The following CAMK1D variants were observed in gnomAD, a reference collection of about 807,000 sequenced individuals.
CAMK1D encodes calcium/calmodulin-dependent protein kinase type 1D.
CAMK1D carries 9 observed loss-of-function variants against 47.7 expected under a neutral mutation model. The ratio of observed to expected loss-of-function variants is 0.19; its 90% CI spans 0.11 to 0.33. The LOEUF is 0.33. Among genes scored for constraint, CAMK1D ranks in the 10% least tolerant of loss-of-function variants. The probability of loss-of-function intolerance (pLI) is 1.00; values close to 1 mark genes in which losing one functional copy is unlikely to be tolerated. For synonymous variants in CAMK1D, 184 were observed against 184.9 expected, an observed-to-expected ratio of 0.99 and a Z score of 0.04; for missense variants, 291 against 488.7, an observed-to-expected ratio of 0.60 and a Z score of 3.81.
chr10:12,806,342 G>A (rs1280169219), intron 6 of CAMK1D, among the ~76,000 whole-genome samples: 2 of 152,202 alleles, frequency 1.3e-5, no homozygotes, highest in African/African-American at 4.8e-5. Flanking sequence ...TTTGGTGACA[G>A]CCAGAGGAGT....
At chr10:12,778,063 A>G (rs1367508705) in intron 5 of CAMK1D, among the ~76,000 whole-genome samples, 1 of 152,224 alleles carries the variant, frequency 6.6e-6, no homozygotes, top group African/African-American at 2.4e-5. Flanking sequence ...GTGAATAAAG[A>G]TGAGGAAAAG....
intron 10 of CAMK1D, among the ~76,000 whole-genome samples, chr10:12,826,507 A>ACTCT (rs1833213623): frequency 1.4e-5 from 2 of 147,306 alleles, no homozygotes; most frequent in South Asian, 4.2e-4. Flanking sequence ...AGGCACACTT[A>ACTCT]CTCTCTCCTT....
intron 6 of CAMK1D, among the ~76,000 whole-genome samples, chr10:12,811,647 A>G (rs1462189371): frequency 2.6e-4 from 39 of 152,258 alleles, no homozygotes; most frequent in Non-Finnish European, 1.5e-5. Context: ...ACTGGCACCC[A>G]GAGAATAAAT....
chr10:12,625,085 C>G (rs1315665723), intron 2 of CAMK1D, among the ~76,000 whole-genome samples: 1 of 151,996 alleles, frequency 6.6e-6, no homozygotes, highest in Non-Finnish European at 1.5e-5. Flanking sequence ...GCCTGTAATC[C>G]CAGCACTTTG....
At chr10:12,405,620 C>T (rs960298231) in intron 1 of CAMK1D, among the ~76,000 whole-genome samples, 2 of 152,204 alleles carry the variant, frequency 1.3e-5, no homozygotes, top group African/African-American at 2.4e-5. Context: ...ACCAGTGAAA[C>T]GTCATTAATC....
intron 1 of CAMK1D, among the ~76,000 whole-genome samples, chr10:12,528,829 A>T (rs764990605): frequency 2.0e-5 from 3 of 150,678 alleles, no homozygotes; most frequent in Non-Finnish European, 4.4e-5. Flanking sequence ...GCAGCCTCAA[A>T]CTCCTAGGGT....
intron 5 of CAMK1D, among the ~76,000 whole-genome samples, chr10:12,790,437 T>C (rs1588931311): frequency 6.6e-6 from 1 of 152,220 alleles, no homozygotes; most frequent in African/African-American, 2.4e-5. Context: ...AAATGTTGCC[T>C]TGAGCTGACT....
chr10:12,412,956 C>T (rs1839715902), intron 1 of CAMK1D, among the ~76,000 whole-genome samples: 1 of 152,148 alleles, frequency 6.6e-6, no homozygotes. Context: ...TAAGATTCTG[C>T]CCTCACCCAC....
At chr10:12,426,451 G>A (rs1276252280) in intron 1 of CAMK1D, among the ~76,000 whole-genome samples, 2 of 152,076 alleles carry the variant, frequency 1.3e-5, no homozygotes, top group African/African-American at 4.8e-5. Flanking sequence ...TCTCCATATT[G>A]GTCAGGCTGG....
chr10:12,754,679 G>T (rs983668947), intron 3 of CAMK1D, among the ~76,000 whole-genome samples: 2 of 152,098 alleles, frequency 1.3e-5, no homozygotes, highest in Non-Finnish European at 2.9e-5. Flanking sequence ...GTGTCAGCAG[G>T]GTGTCAGTTG....
chr10:12,503,139 CAT>C (rs1202929882), intron 1 of CAMK1D, among the ~76,000 whole-genome samples: 1 of 152,106 alleles, frequency 6.6e-6, no homozygotes, highest in East Asian at 1.9e-4. Context: ...CATGTGCACA[CAT>C]AGGTGAATAT....
intron 1 of CAMK1D, among the ~76,000 whole-genome samples, chr10:12,433,373 A>G (rs1400545002): frequency 6.6e-6 from 1 of 151,600 alleles, no homozygotes; most frequent in Non-Finnish European, 1.5e-5. Flanking sequence ...CTCCAGGTAC[A>G]GCGTAATTTT....
At chr10:12,653,916 C>A (rs1032164736) in intron 2 of CAMK1D, among the ~76,000 whole-genome samples, 1 of 152,210 alleles carries the variant, frequency 6.6e-6, no homozygotes, top group African/African-American at 2.4e-5. Flanking sequence ...CTATTCAGGG[C>A]ACCTGTTGGC....
chr10:12,408,338 A>AT (rs1339797768), intron 1 of CAMK1D, among the ~76,000 whole-genome samples: 2 of 150,408 alleles, frequency 1.3e-5, no homozygotes, highest in Non-Finnish European at 3.0e-5. Context: ...ATTTTTTTGG[A>AT]TTTTTTTAGT....
At chr10:12,674,136 G>A (rs929963267) in intron 3 of CAMK1D, among the ~76,000 whole-genome samples, 1 of 151,946 alleles carries the variant, frequency 6.6e-6, no homozygotes, top group African/African-American at 2.4e-5. Context: ...TGTAGAGATG[G>A]GTCTTGCTGT....
At chr10:12,747,775 C>A (rs189454234) in intron 3 of CAMK1D, among the ~76,000 whole-genome samples, 4 of 152,174 alleles carry the variant, frequency 2.6e-5, no homozygotes, top group Admixed American at 2.6e-4. Flanking sequence ...CTGGGAAGAG[C>A]ATTTATATCA....
chr10:12,620,419 G>A (rs917157302), intron 2 of CAMK1D, among the ~76,000 whole-genome samples: 17 of 152,160 alleles, frequency 1.1e-4, no homozygotes, highest in African/African-American at 3.9e-4. Context: ...CTGCATCCTC[G>A]CCAGGATCTG....
chr10:12,746,147 A>G (rs1405246656), intron 3 of CAMK1D, among the ~76,000 whole-genome samples: 1 of 146,842 alleles, frequency 6.8e-6, no homozygotes, highest in Non-Finnish European at 1.5e-5. Flanking sequence ...ACGGATCCGC[A>G]TGGTCAGGAG....
chr10:12,675,265 A>G (rs990479475), intron 3 of CAMK1D, among the ~76,000 whole-genome samples: 4 of 152,096 alleles, frequency 2.6e-5, no homozygotes, highest in Admixed American at 2.0e-4. Context: ...TAACTCCTCA[A>G]TTTGTATCTC....
Sources: gnomAD v4.1 joint callset for allele counts (sites outside exome capture counted in the v4.1 genomes callset) on GRCh38, gnomAD v4.1.1 for gene constraint, MANE v1.5 for transcripts, NCBI Gene and HGNC (gene_info 2026-07-23, HGNC 2026-07-21) for gene names.